NAP1L1: variants seen among roughly 807,000 people sequenced by gnomAD.
NAP1L1 encodes nucleosome assembly protein 1 like 1, also known as nucleosome assembly protein 1-like 1.
NAP1L1 carries 9 observed loss-of-function variants against 58.9 expected under a neutral mutation model. The ratio of observed to expected loss-of-function variants is 0.15; its 90% CI spans 0.09 to 0.27. The LOEUF is 0.27. Ranked by LOEUF, NAP1L1 falls within the 10% of genes least tolerant of loss-of-function variation. The pLI is 1.00. For missense variants in NAP1L1, 302 were observed against 458.8 expected (o/e 0.66, Z 3.12); for synonymous variants, 130 against 138.3 (o/e 0.94, Z 0.42).
chr12:76,057,658 A>G (rs1357574380), intron 6 of NAP1L1: 156 of 1,426,150 alleles, frequency 1.1e-4, no homozygotes, highest in Non-Finnish European at 1.4e-4. Context: ...TTCATTACCA[A>G]TAGAGTACTG....
At chr12:76,076,592 A>ATATATATATATATC (rs1565747788) in intron 1 of NAP1L1, among the ~76,000 whole-genome samples, 7 of 139,676 alleles carry the variant, frequency 5.0e-5, no homozygotes, top group South Asian at 2.3e-4. Flanking sequence ...ATATATATAT[A>ATATATATATATATC]TCTCCACTCA....
rs749012611 is a variant in NAP1L1 at position 76,060,306 on chromosome 12, G to A, written c.207-27C>T. 3 of 1,605,586 alleles carry A rather than the reference G, an allele frequency of 1.9e-6. No homozygotes were observed. The South Asian group carries it at 3.3e-5, about 18-fold the overall frequency. On this transcript the variant is annotated intron_variant, in intron 4 of 14. Transcript: ENST00000618691. ...TGAAAGGTTAGAAATCAGTTATATA[G>A]CATCAGAGTAAAATGGAAGTCACAC...
intron 4 of NAP1L1, among the ~76,000 whole-genome samples, chr12:76,065,607 A>G (rs929659855): frequency 6.6e-6 from 1 of 152,092 alleles, no homozygotes. Context: ...TGCTATTCAC[A>G]ACAGCCACAC....
At chr12:76,048,589 T>C in intron 14 of NAP1L1, 125 bp from the exon 15 acceptor site, 3 of 878,068 alleles carry the variant, frequency 3.4e-6, no homozygotes, top group South Asian at 1.7e-5. Context: ...TATAGGACAA[T>C]GGTGGTAAAT....
intron 4 of NAP1L1, 97 bp from the exon 5 acceptor site, chr12:76,060,376 C>G: frequency 3.2e-6 from 4 of 1,269,282 alleles, no homozygotes; most frequent in Non-Finnish European, 4.3e-6. Flanking sequence ...TAGTGAATGA[C>G]AGGTTTTTTA....
At chr12:76,063,998 A>AC (rs1460603331) in intron 4 of NAP1L1, among the ~76,000 whole-genome samples, 2 of 150,744 alleles carry the variant, frequency 1.3e-5, no homozygotes, top group Non-Finnish European at 3.0e-5. Context: ...ACATAGGGAG[A>AC]CCCCCATCTC....
intron 3 of NAP1L1, 42 bp from the exon 4 acceptor site, chr12:76,067,515 A>G: frequency 6.7e-7 from 1 of 1,491,352 alleles, no homozygotes; most frequent in Non-Finnish European, 9.2e-7. Context: ...TTTTATGAAA[A>G]TGTATTATGC....
chr12:76,070,765 T>C (rs1949918023), intron 2 of NAP1L1, among the ~76,000 whole-genome samples: 1 of 152,098 alleles, frequency 6.6e-6, no homozygotes, highest in South Asian at 2.1e-4. Context: ...GTCCCTTATA[T>C]AAAATGGCAC....
intron 4 of NAP1L1, among the ~76,000 whole-genome samples, chr12:76,066,221 T>C (rs370358200): frequency 6.6e-6 from 1 of 151,530 alleles, no homozygotes; most frequent in African/African-American, 2.4e-5. Context: ...AATACAAAGG[T>C]AGACTCTAAA....
intron 2 of NAP1L1, 66 bp downstream of exon 2, chr12:76,074,137 G>C: frequency 7.9e-7 from 1 of 1,259,232 alleles, no homozygotes; most frequent in Non-Finnish European, 1.2e-6. Flanking sequence ...CATACTACTT[G>C]CTGTTAAGAA....
rs1871050715 is a variant in NAP1L1, at chr12:76,036,816, T to TAATCC, written c.*11608_*11612dup. The TAATCC allele has an allele frequency of 6.6e-6, 1 of 152,012 alleles. No homozygotes were observed. Among genetic ancestry groups the TAATCC allele is most frequent in the Non-Finnish European group, 1.5e-5 (1 of 68,028 alleles). 9.4% of individuals were successfully genotyped at this position (152,012 alleles called of 1,614,324 possible). Reference sequence around the variant, plus strand: ...GGCTGGGCGCGGTGGCTCACGCCTGTAATCCCAACACTTTGGGAGGCTGAG... The same window carrying TAATCC: ...GGCTGGGCGCGGTGGCTCACGCCTGTAATCCAATCCCAACACTTTGGGAGGCTGAG... On this transcript the variant is annotated 3_prime_UTR_variant, in exon 15 of 15. Coordinates refer to ENST00000618691, the MANE Select transcript of NAP1L1 (RefSeq NM_004537.7).
At position 76,038,939 on chromosome 12, in the gene NAP1L1, T is replaced by C. The variant is rs917457117; in HGVS notation, c.*9490A>G. 6.6e-6 allele frequency: 1 copy of C among 152,186 alleles called. No homozygotes were observed. The highest frequency in any genetic ancestry group is 1.9e-4 in the East Asian group (1 of 5,198). The allele number at this position is 152,186 out of a possible 1,614,324, so 9.4% of individuals were successfully genotyped here. On this transcript the variant is annotated 3_prime_UTR_variant, in exon 15 of 15. Transcript: ENST00000618691. ...CTCAACCTAATTTGTGCATGCATGG[T>C]TCTGAGAAAGGTTATCATGCAAAAT... is the stretch of plus-strand genomic sequence containing the variant.
At position 76,045,501 on chromosome 12, in the gene NAP1L1, A is replaced by G. The variant is rs1948592485; in HGVS notation, c.*2928T>C. Reference sequence around the variant, plus strand: ...ATTAACCTATTCACACAACAAAAATATTTTTATGAAAGTTAATATATCCTT... The same window carrying G: ...ATTAACCTATTCACACAACAAAAATGTTTTTATGAAAGTTAATATATCCTT... On this transcript the variant is annotated 3_prime_UTR_variant, in exon 15 of 15. Transcript: ENST00000618691. The G allele has an allele frequency of 6.6e-6, 1 of 152,094 alleles. No individual in the cohort carries two copies. The highest frequency in any genetic ancestry group is 2.1e-4 in the South Asian group (1 of 4,832). The allele number at this position is 152,094 out of a possible 1,614,324, so 9.4% of individuals were successfully genotyped here.
chr12:76,071,744 A>G (rs190197292), intron 2 of NAP1L1, among the ~76,000 whole-genome samples: 4 of 152,178 alleles, frequency 2.6e-5, no homozygotes, highest in Non-Finnish European at 4.4e-5. Flanking sequence ...AAATCATTAG[A>G]TCTTCTCTAC....
At chr12:76,061,085 A>G (rs1296084488) in intron 4 of NAP1L1, 7 of 420,722 alleles carry the variant, frequency 1.7e-5, no homozygotes, top group South Asian at 1.2e-4. Flanking sequence ...ACAGAATGAG[A>G]CCCTGTCTCA....
At chr12:76,048,811 G>A (rs148148623) in intron 14 of NAP1L1, among the ~76,000 whole-genome samples, 2 of 151,982 alleles carry the variant, frequency 1.3e-5, no homozygotes, top group Non-Finnish European at 2.9e-5. Flanking sequence ...GGACTCTCAG[G>A]GACTGAGTAA....
At chr12:76,050,841 C>T (rs1288937094) in intron 11 of NAP1L1, among the ~76,000 whole-genome samples, 188 bp from the exon 12 acceptor site, 2 of 152,040 alleles carry the variant, frequency 1.3e-5, no homozygotes, top group Non-Finnish European at 2.9e-5. Flanking sequence ...TAGTGAGACG[C>T]CCCCTGCGTT....
At position 76,043,760 on chromosome 12, in the gene NAP1L1, T is replaced by C. The variant is rs968267316; in HGVS notation, c.*4669A>G. On this transcript the variant is annotated 3_prime_UTR_variant, in exon 15 of 15. Coordinates refer to ENST00000618691, the MANE Select transcript of NAP1L1 (RefSeq NM_004537.7). ...GAGGTTCTTCCTCTCACTTCACAAATTCCTACAGATTCTCAAAATCTCAGC... is the reference window on the plus strand; with the variant it reads ...GAGGTTCTTCCTCTCACTTCACAAACTCCTACAGATTCTCAAAATCTCAGC... 2.6e-5 allele frequency: 4 copies of C among 152,180 alleles called. No individual in the cohort carries two copies. Among genetic ancestry groups the C allele is most frequent in the Non-Finnish European group, 5.9e-5 (4 of 68,030 alleles). 9.4% of individuals were successfully genotyped at this position (152,180 alleles called of 1,614,324 possible). A position where few individuals can be genotyped will look rare whatever the true frequency, so the allele number is the denominator to read the frequency against.
At chr12:76,078,818 GAT>G (rs1347731597) in intron 1 of NAP1L1, among the ~76,000 whole-genome samples, 1 of 152,148 alleles carries the variant, frequency 6.6e-6, no homozygotes, top group Non-Finnish European at 1.5e-5. Context: ...GACATGTTAA[GAT>G]CCAATGAAGC....
Sources: gnomAD v4.1 joint callset for allele counts (sites outside exome capture counted in the v4.1 genomes callset) on GRCh38, gnomAD v4.1.1 for gene constraint, MANE v1.5 for transcripts, NCBI Gene and HGNC (gene_info 2026-07-23, HGNC 2026-07-21) for gene names.